PDPR: variants seen among roughly 807,000 people sequenced by gnomAD.
PDPR encodes pyruvate dehydrogenase phosphatase regulatory subunit.
In PDPR, 50 loss-of-function variants were observed where a neutral mutation model predicts 102.2. The ratio of observed to expected loss-of-function variants is 0.49; its 90% CI spans 0.39 to 0.62. The LOEUF is 0.62. Ranked by LOEUF, PDPR falls within the 20% of genes least tolerant of loss-of-function variation. PDPR has a pLI of 0.00. For missense variants in PDPR, 625 were observed against 1,098.2 expected, an observed-to-expected ratio of 0.57 and a Z score of 6.09; for synonymous variants, 259 against 406.0, an observed-to-expected ratio of 0.64 and a Z score of 4.35.
At chr16:70,120,879 CTAA>C (rs1340520233) in intron 3 of PDPR, among the ~76,000 whole-genome samples, 160 bp downstream of exon 3, 8 of 150,516 alleles carry the variant, frequency 5.3e-5, no homozygotes, top group African/African-American at 2.0e-4. Flanking sequence ...TTAAGGATGA[CTAA>C]TAATGCTCAT....
intron 3 of PDPR, among the ~76,000 whole-genome samples, chr16:70,124,907 A>G (rs1438728969): frequency 6.6e-6 from 1 of 152,300 alleles, no homozygotes; most frequent in African/African-American, 2.4e-5. Context: ...AAATGACCTT[A>G]GAACCCCCCA....
At chr16:70,116,637 G>A (rs1962666079) in intron 2 of PDPR, among the ~76,000 whole-genome samples, 1 of 149,988 alleles carries the variant, frequency 6.7e-6, no homozygotes, top group South Asian at 2.1e-4. Context: ...TGGTTAGTGA[G>A]GCCCAAGATG....
At chr16:70,136,754 T>G (rs1965181730) in intron 10 of PDPR, among the ~76,000 whole-genome samples, 1 of 152,206 alleles carries the variant, frequency 6.6e-6, no homozygotes, top group Non-Finnish European at 1.5e-5. Context: ...CACGGTTTGT[T>G]TGTTTTTTTA....
At chr16:70,163,155 C>T (rs1464023239), downstream of PDPR, among the ~76,000 whole-genome samples, 1 of 152,260 alleles carries the variant, frequency 6.6e-6, no homozygotes, top group Admixed American at 6.5e-5. Context: ...GCCAGGTTGG[C>T]CAGGCTGGTC....
intron 17 of PDPR, among the ~76,000 whole-genome samples, chr16:70,151,850 C>T (rs1489846420): frequency 1.3e-5 from 2 of 152,200 alleles, no homozygotes; most frequent in African/African-American, 4.8e-5. Context: ...ATGGCAGATT[C>T]TCGTTTTGTT....
chr16:70,155,048 T>C (rs1966975726), intron 18 of PDPR, among the ~76,000 whole-genome samples: 1 of 152,170 alleles, frequency 6.6e-6, no homozygotes, highest in African/African-American at 2.4e-5. Context: ...AAAAATTAGC[T>C]GGGCATGGTG....
Position 70,159,066 on chromosome 16 carries a change from A to G in PDPR, c.*2187A>G, listed in dbSNP as rs1967519781. On this transcript the variant is annotated 3_prime_UTR_variant, in exon 19 of 19. Coordinates refer to ENST00000288050, the MANE Select transcript of PDPR (RefSeq NM_017990.5). ...AAGCTGTCTCCATAGTTTAAAATCG[A>G]ATAGTGCCATCATCACAGTATATTA... The G allele has an allele frequency of 6.6e-6, 1 of 152,384 alleles. No homozygotes were observed. The highest frequency in any genetic ancestry group is 6.5e-5 in the Admixed American group (1 of 15,290). The allele number at this position is 152,384 out of a possible 1,614,324, so 9.4% of individuals were successfully genotyped here.
intron 11 of PDPR, among the ~76,000 whole-genome samples, chr16:70,140,274 G>A (rs916813772): frequency 1.3e-5 from 2 of 152,236 alleles, no homozygotes; most frequent in African/African-American, 4.8e-5. Flanking sequence ...TGGGGAAGTT[G>A]AGGCTGCAGT....
chr16:70,135,742 G>A (rs1395601227), intron 9 of PDPR, among the ~76,000 whole-genome samples: 1 of 152,232 alleles, frequency 6.6e-6, no homozygotes, highest in African/African-American at 2.4e-5. Flanking sequence ...TTTCTGCTTT[G>A]TGATAAATGG....
At chr16:70,151,989 AAC>A (rs1361511295) in intron 17 of PDPR, among the ~76,000 whole-genome samples, 1 of 152,282 alleles carries the variant, frequency 6.6e-6, no homozygotes, top group African/African-American at 2.4e-5. Context: ...GATCTGGCCC[AAC>A]ACTAGTCACC....
intron 3 of PDPR, among the ~76,000 whole-genome samples, chr16:70,123,169 T>TG (rs1963526033): frequency 6.6e-6 from 1 of 152,272 alleles, no homozygotes; most frequent in Non-Finnish European, 1.5e-5. Context: ...CCCAAAGTGC[T>TG]GGGATTACAG....
intron 18 of PDPR, among the ~76,000 whole-genome samples, chr16:70,154,112 C>T (rs140268154): frequency 4.5e-3 from 691 of 151,970 alleles, no homozygotes; most frequent in African/African-American, 9.9e-3. Context: ...GCCGAGATCA[C>T]GCCACTGCAC....
At position 70,162,085 on chromosome 16, in the gene PDPR, T is replaced by C. The variant is rs1335301941; in HGVS notation, c.*5206T>C. The C allele has an allele frequency of 6.6e-6, 1 of 152,466 alleles. No homozygotes were observed. The highest frequency in any genetic ancestry group is 2.4e-5 in the African/African-American group (1 of 41,464). 9.4% of individuals were successfully genotyped at this position (152,466 alleles called of 1,614,324 possible). Reference sequence around the variant, plus strand: ...AGATTGGAAGAAAGAGAAAAGTTCATCTCGGTGTGTGGGTTCCCATCCGCC... The same window carrying C: ...AGATTGGAAGAAAGAGAAAAGTTCACCTCGGTGTGTGGGTTCCCATCCGCC... On this transcript the variant is annotated 3_prime_UTR_variant, in exon 19 of 19. Coordinates refer to ENST00000288050, the MANE Select transcript of PDPR (RefSeq NM_017990.5).
chr16:70,133,793 G>A (rs1245435601), intron 9 of PDPR, among the ~76,000 whole-genome samples: 1 of 151,994 alleles, frequency 6.6e-6, no homozygotes, highest in Admixed American at 6.6e-5. Flanking sequence ...AAGTGCAATG[G>A]TGCGATCTCG....
chr16:70,122,306 C>G (rs770297982), intron 3 of PDPR, among the ~76,000 whole-genome samples: 1 of 152,268 alleles, frequency 6.6e-6, no homozygotes. Context: ...GTCTTGTGAT[C>G]AGACTTGGGT....
downstream of PDPR, chr16:70,162,682 A>T (rs897534760): frequency 6.5e-6 from 1 of 153,040 alleles, no homozygotes; most frequent in African/African-American, 2.4e-5. Flanking sequence ...GAGAAGATGT[A>T]GGTGTTTATC....
At chr16:70,151,176 C>T (rs998193767) in intron 17 of PDPR, among the ~76,000 whole-genome samples, 1 of 152,250 alleles carries the variant, frequency 6.6e-6, no homozygotes, top group African/African-American at 2.4e-5. Flanking sequence ...CCTCGTGAGC[C>T]GCCTGCCTCA....
Position 70,147,816 on chromosome 16 carries a change from G to A in PDPR, c.1963-648G>A, listed in dbSNP as rs149981895. 797 of 356,182 alleles carry A rather than the reference G, an allele frequency of 2.2e-3. 4 individuals are homozygous for A. The highest frequency in any genetic ancestry group is 0.015 in the African/African-American group (724 of 46,866). The allele number at this position is 356,182 out of a possible 1,614,324, so 22.1% of individuals were successfully genotyped here. A position where few individuals can be genotyped will look rare whatever the true frequency, so the allele number is the denominator to read the frequency against. On this transcript the variant is annotated intron_variant, in intron 16 of 18. Transcript: ENST00000288050. ...TAGCTATCAGTGGACCCCTCCCAGC[G>A]TTTGCTCTGCTGCTTGGAGGAGTGA...
intron 11 of PDPR, among the ~76,000 whole-genome samples, chr16:70,140,593 C>T (rs1354851299): frequency 6.6e-6 from 1 of 152,106 alleles, no homozygotes; most frequent in African/African-American, 2.4e-5. Context: ...CTGAGGCAGG[C>T]GGATCACTTG....
Sources: allele counts gnomAD v4.1 joint callset (sites outside exome capture counted in the v4.1 genomes callset), GRCh38; gene constraint gnomAD v4.1.1; transcripts MANE v1.5; gene names NCBI Gene and HGNC (gene_info 2026-07-23, HGNC 2026-07-21).